The following PTPRK variants were observed in gnomAD, a reference collection of about 807,000 sequenced individuals.
The protein encoded by PTPRK is receptor-type tyrosine-protein phosphatase kappa.
A neutral mutation model predicts 178.0 loss-of-function variants in PTPRK; 75 were observed. The ratio of observed to expected loss-of-function variants is 0.42; its 90% CI spans 0.35 to 0.51. PTPRK has a LOEUF of 0.51. PTPRK is among the 20% of genes least tolerant of loss of function. The pLI, the probability that PTPRK is intolerant of heterozygous loss-of-function variation, is 0.02. For missense variants in PTPRK, 1,441 were observed against 1,797.8 expected, an observed-to-expected ratio of 0.80 and a Z score of 3.59; for synonymous variants, 637 against 620.6, an observed-to-expected ratio of 1.03 and a Z score of -0.39.
At chr6:128,323,293 T>C (rs538494004) in intron 2 of PTPRK, among the ~76,000 whole-genome samples, 145 of 152,250 alleles carry the variant, frequency 9.5e-4, no homozygotes, top group Admixed American at 1.4e-3. Context: ...CCAATTGTTC[T>C]CATGTCATTG....
intron 2 of PTPRK, among the ~76,000 whole-genome samples, chr6:128,395,285 C>T (rs1195265563): frequency 6.6e-6 from 1 of 152,084 alleles, no homozygotes; most frequent in Non-Finnish European, 1.5e-5. Flanking sequence ...GCAAAGTGGC[C>T]GTGACCTTTT....
chr6:128,298,781 C>A (rs1204214700), intron 3 of PTPRK, among the ~76,000 whole-genome samples: 2 of 152,122 alleles, frequency 1.3e-5, no homozygotes, highest in African/African-American at 4.8e-5. Flanking sequence ...TGGGCAAAAA[C>A]TGGAAGCATT....
intron 7 of PTPRK, among the ~76,000 whole-genome samples, chr6:128,146,044 G>C (rs1033310912): frequency 3.3e-5 from 5 of 152,138 alleles, no homozygotes; most frequent in African/African-American, 1.2e-4. Flanking sequence ...GTCAGGTGTA[G>C]TACCCTAGAC....
At chr6:128,055,533 C>T (rs1278353000) in intron 13 of PTPRK, among the ~76,000 whole-genome samples, 1 of 151,934 alleles carries the variant, frequency 6.6e-6, no homozygotes, top group African/African-American at 2.4e-5. Flanking sequence ...TCTTCATTTT[C>T]TTAATGTCTT....
chr6:128,164,117 C>T (rs553170614), intron 7 of PTPRK, among the ~76,000 whole-genome samples: 3 of 151,412 alleles, frequency 2.0e-5, no homozygotes, highest in East Asian at 1.9e-4. Context: ...ACTCTAATTA[C>T]GTATCTCCAA....
intron 7 of PTPRK, among the ~76,000 whole-genome samples, chr6:128,099,047 C>G (rs1308480119): frequency 6.6e-6 from 1 of 151,676 alleles, no homozygotes; most frequent in Non-Finnish European, 1.5e-5. Context: ...TAACTTACCC[C>G]TCCAGCACTG....
intron 3 of PTPRK, among the ~76,000 whole-genome samples, chr6:128,255,496 G>A (rs1356312726): frequency 6.6e-6 from 1 of 152,158 alleles, no homozygotes; most frequent in Non-Finnish European, 1.5e-5. Context: ...AAGTGATTTA[G>A]GAGGACTGAA....
At position 128,152,556 on chromosome 6, in the gene PTPRK, GA is replaced by G. The variant is rs202059401; in HGVS notation, c.1162+31875del. Among the ~76,000 whole-genome samples, 323 of 144,414 alleles carry G rather than the reference GA, an allele frequency of 2.2e-3. 1 individual carries two copies. Among genetic ancestry groups the G allele is most frequent in the Middle Eastern group, 7.3e-3 (2 of 274 alleles). 94.7% of individuals were successfully genotyped at this position (144,414 alleles called of 152,430 possible). On this transcript the variant is annotated intron_variant, in intron 7 of 29. Coordinates refer to ENST00000368226, the MANE Select transcript of PTPRK (RefSeq NM_002844.4). ...TGGGTTTTGCAATGAGGCTGGGTAGGAAAAAAAAAAAATCAATGTAGTGAGG... is the reference window on the plus strand; with the variant it reads ...TGGGTTTTGCAATGAGGCTGGGTAGGAAAAAAAAAAATCAATGTAGTGAGG...
At chr6:128,328,589 G>T (rs111718542) in intron 2 of PTPRK, among the ~76,000 whole-genome samples, 2,209 of 152,222 alleles carry the variant, frequency 0.015, 55 homozygotes, top group African/African-American at 0.049. Flanking sequence ...TAATGTATTT[G>T]TCAGAGTCAC....
intron 6 of PTPRK, among the ~76,000 whole-genome samples, chr6:128,193,279 TG>T (rs1467298233): frequency 0.021 from 409 of 19,402 alleles, 4 homozygotes; most frequent in African/African-American, 0.06. Flanking sequence ...ATCCAGCTTG[TG>T]AAAAAAAAAA....
At chr6:128,212,865 C>T (rs1439843212) in intron 6 of PTPRK, among the ~76,000 whole-genome samples, 2 of 152,052 alleles carry the variant, frequency 1.3e-5, no homozygotes, top group South Asian at 2.1e-4. Context: ...ATCAATCTGA[C>T]AAACACAACT....
At chr6:128,164,870 A>C (rs1250223041) in intron 7 of PTPRK, among the ~76,000 whole-genome samples, 3 of 151,218 alleles carry the variant, frequency 2.0e-5, no homozygotes, top group Non-Finnish European at 4.4e-5. Flanking sequence ...AAGCCAAAAA[A>C]ACCAGGGAAA....
intron 7 of PTPRK, among the ~76,000 whole-genome samples, chr6:128,131,868 C>T (rs1003786690): frequency 5.3e-5 from 8 of 152,074 alleles, no homozygotes; most frequent in Non-Finnish European, 1.2e-4. Context: ...AAAAATGAGT[C>T]ATCACTTTTT....
intron 13 of PTPRK, among the ~76,000 whole-genome samples, chr6:128,056,413 C>T (rs188880874): frequency 1.3e-5 from 2 of 151,950 alleles, no homozygotes; most frequent in Non-Finnish European, 2.9e-5. Context: ...CCTGAACATA[C>T]CTGAAATATG....
In PTPRK at chr6:128,005,012, A is replaced by T; in HGVS notation, c.2494+72T>A. On this transcript the variant is annotated intron_variant, in intron 15 of 29. Transcript: ENST00000368226. ...CTTTCCTACTCTCTCTCATTACTCA[A>T]AAGGTATCGTGTAGAATTCAAAGTG... 29 of 1,322,544 alleles carry T rather than the reference A, an allele frequency of 2.2e-5. No homozygotes were observed. The South Asian group carries it at 4.3e-4, about 19-fold the overall frequency. 81.9% of individuals were successfully genotyped at this position (1,322,544 alleles called of 1,614,324 possible).
chr6:127,997,836 C>A (rs1367812274), intron 16 of PTPRK, among the ~76,000 whole-genome samples: 1 of 152,096 alleles, frequency 6.6e-6, no homozygotes, highest in Non-Finnish European at 1.5e-5. Context: ...TTAAGGTATA[C>A]AGGTAATCCA....
chr6:128,341,050 T>C (rs1831594019), intron 2 of PTPRK, among the ~76,000 whole-genome samples: 1 of 152,186 alleles, frequency 6.6e-6, no homozygotes, highest in South Asian at 2.1e-4. Context: ...ATATCTGTGC[T>C]TTAAAAACAT....
chr6:128,195,324 T>A (rs1335706860), intron 6 of PTPRK, among the ~76,000 whole-genome samples: 1 of 151,984 alleles, frequency 6.6e-6, no homozygotes, highest in Non-Finnish European at 1.5e-5. Context: ...TACTTTGTAA[T>A]CATTTCAAGT....
intron 13 of PTPRK, among the ~76,000 whole-genome samples, chr6:128,029,591 A>G (rs938246126): frequency 1.3e-5 from 2 of 151,064 alleles, no homozygotes; most frequent in Non-Finnish European, 3.0e-5. Flanking sequence ...CAGAGGTTGT[A>G]GTGCCAATGC....
Sources: gnomAD v4.1 joint callset for allele counts (sites outside exome capture counted in the v4.1 genomes callset) on GRCh38, gnomAD v4.1.1 for gene constraint, MANE v1.5 for transcripts, NCBI Gene and HGNC (gene_info 2026-07-23, HGNC 2026-07-21) for gene names.